CD163L1: variants seen among roughly 807,000 people sequenced by gnomAD.
CD163L1 encodes scavenger receptor cysteine-rich type 1 protein M160.
In CD163L1, 124 loss-of-function variants were observed where a neutral mutation model predicts 165.4. The ratio of observed to expected loss-of-function variants is 0.75; its 90% confidence interval spans 0.65 to 0.87. CD163L1 has a LOEUF of 0.87. Among genes scored for constraint, CD163L1 ranks in the 40% least tolerant of loss-of-function variants. CD163L1 has a pLI of 0.00. For synonymous variants in CD163L1, 585 were observed against 662.2 expected (o/e 0.88, Z 1.79); for missense variants, 1,525 against 1,799.9 (o/e 0.85, Z 2.76).
intron 18 of CD163L1, among the ~76,000 whole-genome samples, chr12:7,358,605 A>G (rs7969399): frequency 0.03 from 4,610 of 152,146 alleles, 246 homozygotes; most frequent in African/African-American, 0.11. Context: ...ATACAGCTTA[A>G]TCCCTCGCCA....
intron 18 of CD163L1, among the ~76,000 whole-genome samples, chr12:7,364,426 A>C (rs1160970495): frequency 3.3e-5 from 5 of 152,182 alleles, no homozygotes; most frequent in African/African-American, 4.8e-5. Context: ...ATAATACTGG[A>C]AGTCCCAGCC....
At chr12:7,420,012 T>C (rs555256247) in intron 4 of CD163L1, among the ~76,000 whole-genome samples, 4 of 152,068 alleles carry the variant, frequency 2.6e-5, no homozygotes, top group East Asian at 3.9e-4. Flanking sequence ...AATAGGCACA[T>C]AGATCAGTGG....
chr12:7,439,382 A>T, intron 2 of CD163L1: 1 of 1,600,136 alleles, frequency 6.2e-7, no homozygotes, highest in Non-Finnish European at 8.5e-7. Context: ...TGGCTTCAGA[A>T]ATTCTTTTCT....
At chr12:7,359,684 G>C (rs769399632) in intron 18 of CD163L1, among the ~76,000 whole-genome samples, 167 of 152,168 alleles carry the variant, frequency 1.1e-3, no homozygotes, top group Non-Finnish European at 1.8e-3. Context: ...AAGCATTAGA[G>C]AAGAAATAAA....
the CD163L1 span, chr12:7,323,622 C>T: frequency 1.4e-6 from 2 of 1,427,614 alleles, no homozygotes; most frequent in Admixed American, 3.6e-5. Flanking sequence ...TTCATTTCCA[C>T]CGTGTCTTGC....
intron 9 of CD163L1, 139 bp downstream of exon 9, chr12:7,378,839 A>T: frequency 1.7e-6 from 1 of 582,428 alleles, no homozygotes; most frequent in Non-Finnish European, 2.8e-6. Context: ...CCTGTCTTCT[A>T]GATAGAGGGT....
chr12:7,430,142 C>A (rs1183145525), intron 4 of CD163L1, among the ~76,000 whole-genome samples: 1 of 152,100 alleles, frequency 6.6e-6, no homozygotes, highest in Non-Finnish European at 1.5e-5. Flanking sequence ...AGTGAGTCAT[C>A]CTATTAAATA....
At chr12:7,423,976 T>C (rs927869283) in intron 4 of CD163L1, among the ~76,000 whole-genome samples, 2 of 152,136 alleles carry the variant, frequency 1.3e-5, no homozygotes, top group African/African-American at 4.8e-5. Context: ...CGAACTCAAT[T>C]TTATGAGGCC....
chr12:7,417,348 C>G (rs939024014), intron 4 of CD163L1, among the ~76,000 whole-genome samples: 2 of 152,044 alleles, frequency 1.3e-5, no homozygotes, highest in Admixed American at 6.6e-5. Flanking sequence ...ACTATACAAT[C>G]ATGTCATGTG....
chr12:7,398,040 G>A lies in CD163L1; in HGVS notation c.1729+224C>T, dbSNP rs1244127897. Among the ~76,000 whole-genome samples the A allele has an allele frequency of 2.0e-5, 3 of 152,106 alleles. No individual in the cohort carries two copies. The highest frequency in any genetic ancestry group is 7.2e-5 in the African/African-American group (3 of 41,414). On this transcript the variant is annotated intron_variant, in intron 7 of 19. Transcript: ENST00000313599. The surrounding 1 kb of genome is among the most constrained non-coding windows in gnomAD (Gnocchi z 4.5). ...CCAAACTGCTTCTGTATATGGTAGG[G>A]GAAGGGATCCAAAGGATCATAGTCA...
chr12:7,355,484 T>C (rs1360530596), intron 19 of CD163L1, among the ~76,000 whole-genome samples: 1 of 152,176 alleles, frequency 6.6e-6, no homozygotes, highest in Admixed American at 6.5e-5. Flanking sequence ...AATTAATCTT[T>C]CAAAAGTTTT....
intron 18 of CD163L1, among the ~76,000 whole-genome samples, chr12:7,366,165 T>C (rs560075886): frequency 2.6e-5 from 4 of 152,238 alleles, no homozygotes; most frequent in Admixed American, 6.5e-5. Flanking sequence ...CAAATATCCA[T>C]GTTCTCATTC....
chr12:7,399,355 CT>C (rs1947857445), intron 6 of CD163L1, among the ~76,000 whole-genome samples: 1 of 63,030 alleles, frequency 1.6e-5, no homozygotes, highest in South Asian at 5.8e-4. Context: ...CTTTCATTCT[CT>C]CTTCTTTCTC....
rs988673851 is a variant in CD163L1, at chr12:7,368,501, A to G, written c.4073-304T>C. Among the ~76,000 whole-genome samples, 2 of 151,228 alleles carry G rather than the reference A, an allele frequency of 1.3e-5. No homozygotes were observed. Among genetic ancestry groups the G allele is most frequent in the African/African-American group, 4.9e-5 (2 of 41,132 alleles). On this transcript the variant is annotated intron_variant, in intron 16 of 19. Coordinates refer to ENST00000313599, the MANE Select transcript of CD163L1 (RefSeq NM_174941.6). This position sits in a 1 kb window ranked among gnomAD's most constrained non-coding sequence, Gnocchi z 4.3. ...TACTAAAACACCAGAATCAGAAAATACTAGGGCTTGAGCTGAGCTGTTTCT... is the reference window on the plus strand; with the variant it reads ...TACTAAAACACCAGAATCAGAAAATGCTAGGGCTTGAGCTGAGCTGTTTCT...
downstream of CD163L1, among the ~76,000 whole-genome samples, chr12:7,344,084 T>G (rs1946653755): frequency 6.6e-6 from 1 of 151,694 alleles, no homozygotes; most frequent in Non-Finnish European, 1.5e-5. Context: ...AGCCTTTTTT[T>G]TTGTTTGTTT....
At chr12:7,408,201 A>AT (rs968293631) in intron 4 of CD163L1, among the ~76,000 whole-genome samples, 15 of 151,622 alleles carry the variant, frequency 9.9e-5, no homozygotes, top group East Asian at 3.9e-4. Flanking sequence ...AATGAATGAG[A>AT]TTTTTTTTAC....
chr12:7,383,857 A>T (rs1947461810), intron 8 of CD163L1, among the ~76,000 whole-genome samples: 1 of 152,214 alleles, frequency 6.6e-6, no homozygotes, highest in Admixed American at 6.5e-5. Context: ...GAAAGCAACG[A>T]TTTTATACCA....
chr12:7,340,779 T>A, the CD163L1 span, among the ~76,000 whole-genome samples: 1 of 152,194 alleles, frequency 6.6e-6, no homozygotes, highest in Non-Finnish European at 1.5e-5. Flanking sequence ...GGGCTTCTTG[T>A]AAATGACCAA....
chr12:7,321,654 G>T, the CD163L1 span, among the ~76,000 whole-genome samples: 1 of 152,174 alleles, frequency 6.6e-6, no homozygotes, highest in Non-Finnish European at 1.5e-5. Flanking sequence ...ACACCCTCTG[G>T]CCCATTTGGG....
Sources: allele counts gnomAD v4.1 joint callset (sites outside exome capture counted in the v4.1 genomes callset), GRCh38; gene constraint gnomAD v4.1.1; non-coding constraint Gnocchi (gnomAD v3.1); transcripts MANE v1.5; gene names NCBI Gene and HGNC (gene_info 2026-07-23, HGNC 2026-07-21).